Variants in NCS1 observed in about 807,000 individuals in gnomAD.
NCS1 encodes the protein frequenin homolog.
In NCS1, 6 loss-of-function variants were observed where a neutral mutation model predicts 28.4. The observed-to-expected ratio is 0.21, with a 90% CI of 0.12 to 0.42. NCS1 has a LOEUF of 0.42. Ranked by LOEUF, NCS1 falls within the 10% of genes least tolerant of loss-of-function variation. The pLI, the probability that NCS1 is intolerant of heterozygous loss-of-function variation, is 1.00. For missense variants in NCS1, 131 were observed against 241.4 expected (o/e 0.54, Z 3.03); for synonymous variants, 86 against 99.3 (o/e 0.87, Z 0.79).
At chr9:130,194,701 C>T (rs1554906624) in intron 1 of NCS1, among the ~76,000 whole-genome samples, 1 of 152,112 alleles carries the variant, frequency 6.6e-6, no homozygotes, top group African/African-American at 2.4e-5. Flanking sequence ...AGGATGGCAC[C>T]CCAGAACTTT....
Position 130,236,747 on chromosome 9 carries a change from TC to T in NCS1, c.*3777del, listed in dbSNP as rs1457159422. On this transcript the variant is annotated 3_prime_UTR_variant, in exon 8 of 8. Coordinates refer to ENST00000372398, the MANE Select transcript of NCS1 (RefSeq NM_014286.4). ...TCTGCACATTCCCTGTTGTCCCTGT[TC>T]CTGCAGTGGCTCCCGGCCCCAGGGA... 5 of 152,312 alleles carry T rather than the reference TC, an allele frequency of 3.3e-5. No individual in the cohort carries two copies. Among genetic ancestry groups the T allele is most frequent in the African/African-American group, 1.2e-4 (5 of 41,368 alleles). 9.4% of individuals were successfully genotyped at this position (152,312 alleles called of 1,614,324 possible).
rs551465147 is a variant in NCS1 at position 130,219,110 on chromosome 9, G to A, written c.229-615G>A. 2.0e-5 allele frequency among the ~76,000 whole-genome samples: 3 copies of A among 152,196 alleles called. No individual in the cohort carries two copies. Among genetic ancestry groups the A allele is most frequent in the Non-Finnish European group, 2.9e-5 (2 of 68,010 alleles). ...CACGGATAGCTGTTGGGTTATCTGC[G>A]ATGACCCTGATTCTGTCCTGCAGTA... On this transcript the variant is annotated intron_variant, in intron 3 of 7. Coordinates refer to ENST00000372398, the MANE Select transcript of NCS1 (RefSeq NM_014286.4). The surrounding 1 kb of genome is among the most constrained non-coding windows in gnomAD (Gnocchi z 5.7).
chr9:130,172,757 C>T lies in NCS1; in HGVS notation c.64+30C>T, dbSNP rs1554904196. Reference sequence around the variant, plus strand: ...GTGCTCCCAGCCCCCAGCCCGCGCCCCGCGGTCACCCCCACACCCACCGCC... The same window carrying T: ...GTGCTCCCAGCCCCCAGCCCGCGCCTCGCGGTCACCCCCACACCCACCGCC... On this transcript the variant is annotated intron_variant, in intron 1 of 7. Coordinates refer to ENST00000372398, the MANE Select transcript of NCS1 (RefSeq NM_014286.4). The T allele has an allele frequency of 2.2e-6, 3 of 1,383,612 alleles. No individual in the cohort carries two copies. The Admixed American group carries it at 7.0e-5, about 32-fold the overall frequency. The allele number at this position is 1,383,612 out of a possible 1,614,324, so 85.7% of individuals were successfully genotyped here.
intron 1 of NCS1, among the ~76,000 whole-genome samples, chr9:130,176,194 CTTTT>C (rs35934993): frequency 6.0e-4 from 30 of 50,110 alleles, no homozygotes; most frequent in East Asian, 5.1e-3. Flanking sequence ...TTCTTTCTTT[CTTTT>C]TTTTTTTTTT....
In NCS1 at chr9:130,202,340, C is replaced by T. The variant is rs1169253040; in HGVS notation, c.89+1358C>T. ...TCTGCCTGCTGGGCTGTTACCTCCT[C>T]GCCCCTCCCCCCCACCCCCTGAAAC... is the stretch of plus-strand genomic sequence containing the variant. On this transcript the variant is annotated intron_variant, in intron 2 of 7. Transcript: ENST00000372398. 4.7e-5 allele frequency among the ~76,000 whole-genome samples: 7 copies of T among 148,788 alleles called. No homozygotes were observed. In the East Asian group the frequency reaches 8.1e-4, roughly 17 times the overall value.
chr9:130,196,144 G>A (rs1007837620), intron 1 of NCS1, among the ~76,000 whole-genome samples: 23 of 152,186 alleles, frequency 1.5e-4, no homozygotes, highest in African/African-American at 3.9e-4. Flanking sequence ...CTGTCTTGGC[G>A]GGAACTGCTG....
rs1463562878 is a variant in NCS1 at position 130,186,579 on chromosome 9, T to A, written c.64+13852T>A. Among the ~76,000 whole-genome samples the A allele has an allele frequency of 1.3e-5, 2 of 152,066 alleles. No homozygotes were observed. The highest frequency in any genetic ancestry group is 4.8e-5 in the African/African-American group (2 of 41,394). On this transcript the variant is annotated intron_variant, in intron 1 of 7. Coordinates refer to ENST00000372398, the MANE Select transcript of NCS1 (RefSeq NM_014286.4). The surrounding 1 kb of genome is among the most constrained non-coding windows in gnomAD (Gnocchi z 4.1). ...GCATGTTCCAGGTCAGTCCTCACCT[T>A]CCAGGGCTCCCGAACCCCCAGCCCC...
chr9:130,175,553 G>T lies in NCS1; in HGVS notation c.64+2826G>T, dbSNP rs999562092. Among the ~76,000 whole-genome samples, 11 of 152,160 alleles carry T rather than the reference G, an allele frequency of 7.2e-5. No individual in the cohort carries two copies. The highest frequency in any genetic ancestry group is 1.5e-4 in the Non-Finnish European group (10 of 68,018). On this transcript the variant is annotated intron_variant, in intron 1 of 7. Transcript: ENST00000372398. This position sits in a 1 kb window ranked among gnomAD's most constrained non-coding sequence, Gnocchi z 4.9. ...GACCACAGTTCCAGTGTATGCTGGGGGTCCTAGCCCACCTCATGCATAGCT... is the reference window on the plus strand; with the variant it reads ...GACCACAGTTCCAGTGTATGCTGGGTGTCCTAGCCCACCTCATGCATAGCT...
chr9:130,212,774 T>C (rs1833130196), intron 2 of NCS1, among the ~76,000 whole-genome samples: 1 of 151,874 alleles, frequency 6.6e-6, no homozygotes, highest in African/African-American at 2.4e-5. Context: ...TTGGGCATGA[T>C]CTTCATCATA....
chr9:130,174,268 C>T (rs1021193290), intron 1 of NCS1, among the ~76,000 whole-genome samples: 13 of 152,172 alleles, frequency 8.5e-5, no homozygotes, highest in African/African-American at 3.1e-4. Context: ...CGGGATGCCT[C>T]CATCATGGTG....
intron 7 of NCS1, among the ~76,000 whole-genome samples, chr9:130,228,063 C>T (rs1554911643): frequency 6.6e-6 from 1 of 152,200 alleles, no homozygotes; most frequent in East Asian, 1.9e-4. Flanking sequence ...GGCTGCCTCA[C>T]AATATGGCTG....
In NCS1 at chr9:130,219,665, C is replaced by T; in HGVS notation, c.229-60C>T. ...ACTGCCCCTCGCCCGTCCCGAGGTT[C>T]AGCCTGACCCGGTGGCCTGGCCGGC... On this transcript the variant is annotated intron_variant, in intron 3 of 7. Transcript: ENST00000372398. The surrounding 1 kb of genome is among the most constrained non-coding windows in gnomAD (Gnocchi z 5.7). The T allele has an allele frequency of 6.5e-7, 1 of 1,548,582 alleles. No homozygotes were observed.
At chr9:130,214,526 C>T (rs1276973877) in intron 2 of NCS1, among the ~76,000 whole-genome samples, 3 of 152,116 alleles carry the variant, frequency 2.0e-5, no homozygotes, top group African/African-American at 7.2e-5. Context: ...ACTGACTGGG[C>T]AGGCTGATGC....
Position 130,209,984 on chromosome 9 carries a change from C to G in NCS1, c.90-7848C>G, listed in dbSNP as rs142549304. Reference sequence around the variant, plus strand: ...GACCCCAAAGAGTTAAGACCCTGTTCGCGAACAAGGTTGTGTGAGGTGTGG... The same window carrying G: ...GACCCCAAAGAGTTAAGACCCTGTTGGCGAACAAGGTTGTGTGAGGTGTGG... On this transcript the variant is annotated intron_variant, in intron 2 of 7. Transcript: ENST00000372398. The surrounding 1 kb of genome is among the most constrained non-coding windows in gnomAD (Gnocchi z 4.4). 3.9e-5 allele frequency among the ~76,000 whole-genome samples: 6 copies of G among 152,148 alleles called. No individual in the cohort carries two copies. In the East Asian group the frequency reaches 1.2e-3, roughly 29 times the overall value.
intron 1 of NCS1, among the ~76,000 whole-genome samples, chr9:130,174,790 C>CACAAAAAAAAAA (rs1554904442): frequency 1.1e-5 from 1 of 91,578 alleles, no homozygotes; most frequent in African/African-American, 5.1e-5. Context: ...ACTCTGTCTC[C>CACAAAAAAAAAA]AAAAAAAAAA....
intron 1 of NCS1, among the ~76,000 whole-genome samples, chr9:130,189,394 C>T (rs1832784719): frequency 6.6e-6 from 1 of 152,148 alleles, no homozygotes; most frequent in African/African-American, 2.4e-5. Context: ...AGGTCAGTTG[C>T]TTCAGTGCCT....
chr9:130,212,507 C>G (rs1440016378), intron 2 of NCS1, among the ~76,000 whole-genome samples: 2 of 148,734 alleles, frequency 1.3e-5, no homozygotes, highest in Non-Finnish European at 3.0e-5. Context: ...CTAGTATGAG[C>G]CACTTACTTT....
In NCS1 at chr9:130,219,549, TC is replaced by T. The variant is rs1833244025; in HGVS notation, c.229-172del. Reference sequence around the variant, plus strand: ...CCCCACACAGTCCCCCAGCCTCTGCTCCCCACCCTCTCCTTGCCTCTCGCCC... The same window carrying T: ...CCCCACACAGTCCCCCAGCCTCTGCTCCCACCCTCTCCTTGCCTCTCGCCC... On this transcript the variant is annotated intron_variant, in intron 3 of 7. Transcript: ENST00000372398. The surrounding 1 kb of genome is among the most constrained non-coding windows in gnomAD (Gnocchi z 5.7). 2.3e-5 allele frequency among the ~76,000 whole-genome samples: 3 copies of T among 132,814 alleles called. No individual in the cohort carries two copies. The South Asian group carries it at 7.4e-4, about 33-fold the overall frequency. The allele number at this position is 132,814 out of a possible 152,430, so 87.1% of individuals were successfully genotyped here.
chr9:130,197,536 T>C (rs1554906978), intron 1 of NCS1, among the ~76,000 whole-genome samples: 2 of 152,044 alleles, frequency 1.3e-5, no homozygotes, highest in African/African-American at 4.8e-5. Context: ...CAGGTTGGGG[T>C]GGTAGCTGCT....
Sources: gnomAD v4.1 joint callset for allele counts (sites outside exome capture counted in the v4.1 genomes callset) on GRCh38, gnomAD v4.1.1 for gene constraint, Gnocchi (gnomAD v3.1) non-coding constraint, MANE v1.5 for transcripts, NCBI Gene and HGNC (gene_info 2026-07-23, HGNC 2026-07-21) for gene names.